ATL1: variants seen among roughly 807,000 people sequenced by gnomAD.
The protein encoded by ATL1 is atlastin GTPase 1.
In ATL1, 31 loss-of-function variants were observed where a neutral mutation model predicts 75.5. That is an observed-to-expected ratio of 0.41 (90% confidence interval 0.31 to 0.55). ATL1 has a LOEUF of 0.55. Among genes scored for constraint, ATL1 ranks in the 20% least tolerant of loss-of-function variants. The pLI, the probability that ATL1 is intolerant of heterozygous loss-of-function variation, is 0.27. For synonymous variants in ATL1, 226 were observed against 233.3 expected (o/e 0.97, Z 0.28); for missense variants, 405 against 662.6 (o/e 0.61, Z 4.27).
chr14:50,602,767 G>A (rs1007021736), intron 6 of ATL1, among the ~76,000 whole-genome samples: 3 of 152,100 alleles, frequency 2.0e-5, no homozygotes, highest in African/African-American at 7.2e-5. Flanking sequence ...AATTTTAGCA[G>A]GATTTAGGCT....
chr14:50,553,348 G>GA (rs2140163173), intron 1 of ATL1, among the ~76,000 whole-genome samples: 1 of 150,934 alleles, frequency 6.6e-6, no homozygotes, highest in African/African-American at 2.4e-5. Flanking sequence ...AACAAACATT[G>GA]AAAAAATGCT....
intron 2 of ATL1, 80 bp from the exon 3 acceptor site, chr14:50,590,861 G>C: frequency 7.0e-7 from 1 of 1,432,698 alleles, no homozygotes; most frequent in Non-Finnish European, 9.8e-7. Flanking sequence ...AATTGGAGAG[G>C]GATAAGAATC....
rs142624440 is a variant in ATL1, at chr14:50,614,342, G to A, written c.724-31G>A. On this transcript the variant is annotated intron_variant, in intron 7 of 13. Coordinates refer to ENST00000358385, the MANE Select transcript of ATL1 (RefSeq NM_015915.5). ...TTCCTTTGCATAATTTGTGATGAAAGTAGTTTAAACTTCAGAATGATTTAC... is the reference window on the plus strand; with the variant it reads ...TTCCTTTGCATAATTTGTGATGAAAATAGTTTAAACTTCAGAATGATTTAC... 116 of 1,612,664 alleles carry A rather than the reference G, an allele frequency of 7.2e-5. 1 individual carries two copies. The African/African-American group carries it at 1.4e-3, about 19-fold the overall frequency.
At chr14:50,618,855 A>ATG (rs1313193203) in intron 8 of ATL1, among the ~76,000 whole-genome samples, 4 of 130,438 alleles carry the variant, frequency 3.1e-5, no homozygotes, top group South Asian at 2.7e-4. Context: ...TATATATATA[A>ATG]TGTATGTGTG....
intron 4 of ATL1, 86 bp from the exon 5 acceptor site, chr14:50,593,760 G>A (rs2039186035): frequency 1.1e-6 from 1 of 872,890 alleles, no homozygotes; most frequent in Non-Finnish European, 1.9e-6. Context: ...TGTGGTAACT[G>A]ATATTTTTAA....
At chr14:50,579,197 C>T (rs762758554) in intron 1 of ATL1, among the ~76,000 whole-genome samples, 5 of 152,094 alleles carry the variant, frequency 3.3e-5, no homozygotes, top group African/African-American at 4.8e-5. Flanking sequence ...GATGATGGCT[C>T]ATTTTCCCCA....
intron 1 of ATL1, among the ~76,000 whole-genome samples, chr14:50,582,584 G>C (rs1300434878): frequency 1.6e-5 from 1 of 63,284 alleles, no homozygotes; most frequent in Non-Finnish European, 2.7e-5. Flanking sequence ...TAATTTTTGT[G>C]TTGTTGTTTT....
At chr14:50,557,862 T>G (rs186525841), upstream of ATL1, among the ~76,000 whole-genome samples, 2 of 152,308 alleles carry the variant, frequency 1.3e-5, no homozygotes, top group African/African-American at 4.8e-5. Context: ...ATGGCTATTC[T>G]AGTTCTAAGA....
intron 9 of ATL1, among the ~76,000 whole-genome samples, chr14:50,621,378 A>G (rs897478004): frequency 1.3e-5 from 2 of 152,204 alleles, no homozygotes; most frequent in Non-Finnish European, 2.9e-5. Flanking sequence ...TGATCTGTTT[A>G]CCTTCATGAT....
chr14:50,572,899 C>T (rs1024390087), intron 1 of ATL1, among the ~76,000 whole-genome samples: 4 of 152,182 alleles, frequency 2.6e-5, no homozygotes, highest in African/African-American at 9.6e-5. Flanking sequence ...AATTGACTCA[C>T]AGTTCTGCAT....
chr14:50,551,219 C>A (rs1004747307), intron 1 of ATL1, among the ~76,000 whole-genome samples: 1 of 151,750 alleles, frequency 6.6e-6, no homozygotes, highest in African/African-American at 2.4e-5. Flanking sequence ...TACAGAAATA[C>A]AAAAGATCAT....
chr14:50,545,844 T>C (rs113840635), intron 1 of ATL1, among the ~76,000 whole-genome samples: 1 of 152,228 alleles, frequency 6.6e-6, no homozygotes. Flanking sequence ...TTACATATTA[T>C]GACTCATCCT....
intron 11 of ATL1, among the ~76,000 whole-genome samples, 185 bp downstream of exon 11, chr14:50,623,433 A>G (rs1384418737): frequency 6.6e-6 from 1 of 152,018 alleles, no homozygotes; most frequent in Non-Finnish European, 1.5e-5. Context: ...TGTGTGCACA[A>G]TTTTGAAGGC....
At chr14:50,620,388 A>G (rs1229055690) in intron 8 of ATL1, among the ~76,000 whole-genome samples, 1 of 152,210 alleles carries the variant, frequency 6.6e-6, no homozygotes, top group African/African-American at 2.4e-5. Context: ...GGTGGAAGAC[A>G]AGATACATAT....
At chr14:50,549,098 T>G (rs1197747579) in intron 1 of ATL1, among the ~76,000 whole-genome samples, 1 of 152,056 alleles carries the variant, frequency 6.6e-6, no homozygotes, top group Non-Finnish European at 1.5e-5. Flanking sequence ...TTGGACCCAT[T>G]CACTTTGAAC....
chr14:50,621,732 A>C lies in ATL1; in HGVS notation c.991-111A>C, dbSNP rs1224269157. ...GTATGAGAAAGATAAAATAGTTATAAGTTCCTGAAAATATTTTTTGAAATG... is the reference window on the plus strand; with the variant it reads ...GTATGAGAAAGATAAAATAGTTATACGTTCCTGAAAATATTTTTTGAAATG... On this transcript the variant is annotated intron_variant, in intron 9 of 13. Transcript: ENST00000358385. 3 of 724,064 alleles carry C rather than the reference A, an allele frequency of 4.1e-6. No individual in the cohort carries two copies. In the African/African-American group the frequency reaches 5.4e-5, roughly 13 times the overall value. The allele number at this position is 724,064 out of a possible 1,614,324, so 44.9% of individuals were successfully genotyped here.
At chr14:50,616,509 A>G (rs2039417475) in intron 8 of ATL1, among the ~76,000 whole-genome samples, 1 of 148,890 alleles carries the variant, frequency 6.7e-6, no homozygotes, top group East Asian at 2.0e-4. Context: ...TTTATTTTGC[A>G]GAGATGGGGG....
chr14:50,549,952 A>G (rs753367275), intron 1 of ATL1, among the ~76,000 whole-genome samples: 1 of 152,230 alleles, frequency 6.6e-6, no homozygotes, highest in Non-Finnish European at 1.5e-5. Context: ...CCTCTGAGAC[A>G]CTGAGCTGTG....
chr14:50,570,800 A>G (rs2038948421), intron 1 of ATL1, among the ~76,000 whole-genome samples: 1 of 152,152 alleles, frequency 6.6e-6, no homozygotes. Context: ...AAAACTGGAC[A>G]TTTGAAACTA....
Sources: gnomAD v4.1 joint callset for allele counts (sites outside exome capture counted in the v4.1 genomes callset) on GRCh38, gnomAD v4.1.1 for gene constraint, MANE v1.5 for transcripts, NCBI Gene and HGNC (gene_info 2026-07-23, HGNC 2026-07-21) for gene names.